The following CUX1 variants were observed in gnomAD, a reference collection of about 807,000 sequenced individuals.
CUX1 encodes the protein cut like homeobox 1.
Under a neutral mutation model 158.8 loss-of-function variants are expected in CUX1, and 31 were observed. That is an observed-to-expected ratio of 0.20 (90% CI 0.15 to 0.26). The LOEUF (loss-of-function observed/expected upper bound fraction) is 0.26. Ranked by LOEUF, CUX1 falls within the 10% of genes least tolerant of loss-of-function variation. The pLI is 1.00. For missense variants in CUX1, 1,589 were observed against 2,014.6 expected, an observed-to-expected ratio of 0.79 and a Z score of 4.04; for synonymous variants, 879 against 862.1, an observed-to-expected ratio of 1.02 and a Z score of -0.34.
chr7:102,046,743 A>T (rs566352600), intron 3 of CUX1, among the ~76,000 whole-genome samples: 2 of 151,182 alleles, frequency 1.3e-5, no homozygotes, highest in South Asian at 4.2e-4. Flanking sequence ...CACCCAGCTA[A>T]TTTTTGCATT....
chr7:102,283,314 G>C (rs1792254318), exon 23 of CUX1: 1 of 564,958 alleles, frequency 1.8e-6, no homozygotes, highest in African/African-American at 1.9e-5. Flanking sequence ...GCCCGGCCAG[G>C]CTAAGCCGCA....
At chr7:101,980,307 A>G (rs1254278712) in intron 2 of CUX1, among the ~76,000 whole-genome samples, 23 of 152,056 alleles carry the variant, frequency 1.5e-4, no homozygotes, top group Non-Finnish European at 2.1e-4. Flanking sequence ...GGAGTTCGAG[A>G]CCAGCCTGGG....
intron 1 of CUX1, among the ~76,000 whole-genome samples, chr7:101,910,848 TGG>T (rs1803355936): frequency 6.6e-6 from 1 of 152,232 alleles, no homozygotes; most frequent in African/African-American, 2.4e-5. Context: ...AGCAGACAGC[TGG>T]TTACATGGTA....
At chr7:101,834,277 G>A (rs1214215984) in intron 1 of CUX1, among the ~76,000 whole-genome samples, 10 of 143,610 alleles carry the variant, frequency 7.0e-5, no homozygotes, top group African/African-American at 7.7e-5. Context: ...GGGTTCAAGC[G>A]ATTCTCCCGC....
intron 5 of CUX1, among the ~76,000 whole-genome samples, chr7:102,100,241 G>A (rs1829634553): frequency 1.3e-5 from 2 of 152,162 alleles, no homozygotes; most frequent in African/African-American, 2.4e-5. Context: ...TCACACCACT[G>A]TACTCCAGTC....
intron 1 of CUX1, among the ~76,000 whole-genome samples, chr7:101,858,609 T>C (rs1463688506): frequency 6.6e-6 from 1 of 151,702 alleles, no homozygotes; most frequent in African/African-American, 2.4e-5. Flanking sequence ...GAGTTAGTTG[T>C]GAGCTGTGGT....
At chr7:102,027,156 G>T (rs1464869634) in intron 2 of CUX1, among the ~76,000 whole-genome samples, 1 of 152,090 alleles carries the variant, frequency 6.6e-6, no homozygotes, top group South Asian at 2.1e-4. Flanking sequence ...AGATGAAGGT[G>T]GGCGGATCAC....
chr7:102,084,320 TAATAATA>T (rs1482981715), intron 4 of CUX1, among the ~76,000 whole-genome samples: 29 of 149,096 alleles, frequency 1.9e-4, no homozygotes, highest in Middle Eastern at 6.5e-3. Context: ...AATGTTTATA[TAATAATA>T]ATATAGGTGA....
chr7:102,164,772 G>A (rs1554508180), intron 9 of CUX1, among the ~76,000 whole-genome samples: 1 of 152,034 alleles, frequency 6.6e-6, no homozygotes, highest in Non-Finnish European at 1.5e-5. Context: ...AGGGCAGCAG[G>A]GCCTTAGCCC....
At chr7:102,108,649 A>T (rs1164967586) in intron 6 of CUX1, among the ~76,000 whole-genome samples, 1 of 152,052 alleles carries the variant, frequency 6.6e-6, no homozygotes, top group Non-Finnish European at 1.5e-5. Context: ...TGACTTTTCA[A>T]ATTAGGTAAA....
At chr7:102,112,768 AC>A (rs1481797095) in intron 7 of CUX1, among the ~76,000 whole-genome samples, 1 of 151,874 alleles carries the variant, frequency 6.6e-6, no homozygotes, top group Non-Finnish European at 1.5e-5. Flanking sequence ...ATGAGGTTTC[AC>A]CACATTGGCC....
intron 8 of CUX1, among the ~76,000 whole-genome samples, chr7:102,131,008 G>C (rs1361261635): frequency 1.3e-5 from 2 of 151,598 alleles, no homozygotes; most frequent in Admixed American, 1.3e-4. Context: ...AATTAGCCGG[G>C]CGTGGTGGTA....
At chr7:102,247,468 G>A (rs1162915710) in intron 23 of CUX1, among the ~76,000 whole-genome samples, 1 of 152,176 alleles carries the variant, frequency 6.6e-6, no homozygotes, top group Non-Finnish European at 1.5e-5. Context: ...GAATAAATAG[G>A]ACCTTGCCTT....
chr7:102,186,460 C>T (rs902100085), intron 11 of CUX1, among the ~76,000 whole-genome samples: 17 of 152,070 alleles, frequency 1.1e-4, no homozygotes, highest in African/African-American at 3.9e-4. Flanking sequence ...GCAAAACTCA[C>T]GGCCAACTAA....
At chr7:101,940,910 G>C (rs117130313) in intron 2 of CUX1, among the ~76,000 whole-genome samples, 3 of 152,212 alleles carry the variant, frequency 2.0e-5, no homozygotes, top group Non-Finnish European at 4.4e-5. Flanking sequence ...GAGAGGGTCC[G>C]TGACTTGCTC....
At chr7:101,829,262 G>A (rs2131005201) in intron 1 of CUX1, among the ~76,000 whole-genome samples, 1 of 152,266 alleles carries the variant, frequency 6.6e-6, no homozygotes, top group South Asian at 2.1e-4. Flanking sequence ...ATATTTGCTT[G>A]TAGGATTGGG....
chr7:102,272,390 G>A (rs910568013), intron 14 of CUX1, among the ~76,000 whole-genome samples: 1 of 152,244 alleles, frequency 6.6e-6, no homozygotes, highest in Non-Finnish European at 1.5e-5. Flanking sequence ...GTGCATTTCT[G>A]AGGCCACAGT....
At chr7:101,821,044 T>C (rs1235343346) in intron 1 of CUX1, among the ~76,000 whole-genome samples, 1 of 152,154 alleles carries the variant, frequency 6.6e-6, no homozygotes, top group Non-Finnish European at 1.5e-5. Context: ...GAGAAGTGTG[T>C]GTGTGTGCCG....
At chr7:101,954,470 C>T (rs1809508520) in intron 2 of CUX1, among the ~76,000 whole-genome samples, 1 of 152,196 alleles carries the variant, frequency 6.6e-6, no homozygotes, top group Non-Finnish European at 1.5e-5. Context: ...TCTTTTGTAG[C>T]TGTATGTATT....
Sources: gnomAD v4.1 joint callset for allele counts (sites outside exome capture counted in the v4.1 genomes callset) on GRCh38, gnomAD v4.1.1 for gene constraint, MANE v1.5 for transcripts, NCBI Gene and HGNC (gene_info 2026-07-23, HGNC 2026-07-21) for gene names.